The following NRG3 variants were observed in gnomAD, a reference collection of about 807,000 sequenced individuals.
NRG3 encodes the protein neuregulin 3, also known as pro-neuregulin-3, membrane-bound isoform.
A neutral mutation model predicts 66.9 loss-of-function variants in NRG3; 31 were observed. The observed-to-expected ratio is 0.46, with a 90% CI of 0.35 to 0.63. The LOEUF is 0.63. Among genes scored for constraint, NRG3 ranks in the 20% least tolerant of loss-of-function variants. The probability of loss-of-function intolerance (pLI) is 0.00; values close to 1 mark genes in which losing one functional copy is unlikely to be tolerated. For synonymous variants in NRG3, 393 were observed against 359.4 expected (o/e 1.09, Z -1.06); for missense variants, 910 against 878.9 (o/e 1.04, Z -0.45).
chr10:82,570,328 C>T (rs1417315314), intron 2 of NRG3, among the ~76,000 whole-genome samples: 1 of 151,638 alleles, frequency 6.6e-6, no homozygotes, highest in Non-Finnish European at 1.5e-5. Context: ...ATAATGTTCT[C>T]TCTACAATTT....
intron 2 of NRG3, among the ~76,000 whole-genome samples, chr10:82,700,886 C>T (rs2055819422): frequency 6.6e-6 from 1 of 151,970 alleles, no homozygotes; most frequent in Non-Finnish European, 1.5e-5. Context: ...GAACACGTCA[C>T]CTTTAACTCG....
chr10:82,818,411 A>G (rs965841175), intron 3 of NRG3, among the ~76,000 whole-genome samples: 1 of 152,154 alleles, frequency 6.6e-6, no homozygotes, highest in Non-Finnish European at 1.5e-5. Context: ...CCATTGCAGG[A>G]CAGGAGGCCT....
At chr10:82,630,355 C>CT (rs5786556) in intron 2 of NRG3, among the ~76,000 whole-genome samples, 15,363 of 133,622 alleles carry the variant, frequency 0.11, 992 homozygotes, top group Non-Finnish European at 0.14. Context: ...ATATGGTTTT[C>CT]TTTTTTTTTT....
chr10:82,084,531 A>G (rs1415524485), intron 1 of NRG3, among the ~76,000 whole-genome samples: 3 of 150,094 alleles, frequency 2.0e-5, no homozygotes, highest in African/African-American at 7.4e-5. Flanking sequence ...ATCATAGAGA[A>G]CTCTACATGA....
At position 82,648,503 on chromosome 10, in the gene NRG3, C is replaced by T. The variant is rs534313572; in HGVS notation, c.954-90074C>T. 1.5e-4 allele frequency among the ~76,000 whole-genome samples: 23 copies of T among 152,174 alleles called. No individual in the cohort carries two copies. In the South Asian group the frequency reaches 4.6e-3, roughly 30 times the overall value. ...TGGTGTTGCGGGCTCTTTTTTGGTT[C>T]TGTATGAACTTTAAAGTGTTTTTTT... On this transcript the variant is annotated intron_variant, in intron 2 of 8. Transcript: ENST00000372141.
At chr10:82,315,900 G>A (rs1412990756) in intron 1 of NRG3, among the ~76,000 whole-genome samples, 1 of 151,890 alleles carries the variant, frequency 6.6e-6, no homozygotes, top group East Asian at 1.9e-4. Flanking sequence ...TCTGACCTTA[G>A]CCTCCCAAAG....
intron 1 of NRG3, among the ~76,000 whole-genome samples, chr10:82,272,055 G>A (rs1714504275): frequency 6.6e-6 from 1 of 152,022 alleles, no homozygotes; most frequent in South Asian, 2.1e-4. Flanking sequence ...CAACAAGTGA[G>A]CAAACAAACA....
At chr10:82,371,672 C>A (rs923086812) in intron 2 of NRG3, among the ~76,000 whole-genome samples, 2 of 152,044 alleles carry the variant, frequency 1.3e-5, no homozygotes, top group Non-Finnish European at 2.9e-5. Context: ...AAAAAGGTTT[C>A]TTTGGCTCAT....
chr10:82,521,762 C>A (rs922637424), intron 2 of NRG3, among the ~76,000 whole-genome samples: 4 of 152,150 alleles, frequency 2.6e-5, no homozygotes, highest in African/African-American at 9.7e-5. Flanking sequence ...AATAGAACTT[C>A]TTTAAAAATT....
At position 82,358,874 on chromosome 10, in the gene NRG3, C is replaced by A; in HGVS notation, c.953+6C>A. 6.2e-7 allele frequency: 1 copy of A among 1,614,066 alleles called. No individual in the cohort carries two copies. Among genetic ancestry groups the A allele is most frequent in the Non-Finnish European group, 8.5e-7 (1 of 1,179,992 alleles). The stretch of plus-strand genomic sequence containing the variant: ...GGATCCCATAAACACTGTCGGTAAG[C>A]CACTGAGGCCACTGATGGAAAGGGC... On this transcript the variant is annotated splice_donor_region_variant and intron_variant, in intron 2 of 8. Coordinates refer to ENST00000372141, the MANE Select transcript of NRG3 (RefSeq NM_001010848.4).
intron 3 of NRG3, among the ~76,000 whole-genome samples, chr10:82,759,299 C>T (rs1375312307): frequency 1.3e-5 from 2 of 152,112 alleles, no homozygotes; most frequent in African/African-American, 2.4e-5. Context: ...GCAGCTGATA[C>T]ATGCTGAGAG....
At chr10:81,970,220 G>A (rs1230398973) in intron 1 of NRG3, among the ~76,000 whole-genome samples, 1 of 152,210 alleles carries the variant, frequency 6.6e-6, no homozygotes, top group South Asian at 2.1e-4. Flanking sequence ...AGGAAGTGCT[G>A]TTATTTTTGT....
rs562613947 is a variant in NRG3 at position 81,902,177 on chromosome 10, A to G, written c.823+26014A>G. Among the ~76,000 whole-genome samples, 20 of 152,298 alleles carry G rather than the reference A, an allele frequency of 1.3e-4. No homozygotes were observed. The South Asian group carries it at 3.9e-3, about 30-fold the overall frequency. ...GGATAGTTTCTTTTCTTATAGATCC[A>G]TATCACAGGCATGATTCTCCAGCTG... On this transcript the variant is annotated intron_variant, in intron 1 of 8. Coordinates refer to ENST00000372141, the MANE Select transcript of NRG3 (RefSeq NM_001010848.4).
At chr10:82,624,008 A>T (rs977793031) in intron 2 of NRG3, among the ~76,000 whole-genome samples, 1 of 152,162 alleles carries the variant, frequency 6.6e-6, no homozygotes, top group African/African-American at 2.4e-5. Context: ...CATAGAAAGC[A>T]TGCTAAATAT....
chr10:82,003,996 CACACACACACA>C (rs2061278285), intron 1 of NRG3, among the ~76,000 whole-genome samples: 2 of 112,620 alleles, frequency 1.8e-5, no homozygotes, highest in Non-Finnish European at 3.7e-5. Context: ...AAAACACACA[CACACACACACA>C]CACACACACA....
intron 1 of NRG3, among the ~76,000 whole-genome samples, chr10:82,349,394 G>A (rs2083259474): frequency 6.6e-6 from 1 of 150,600 alleles, no homozygotes; most frequent in African/African-American, 2.4e-5. Context: ...AGGGGTCAGG[G>A]ACCCACTTGA....
intron 2 of NRG3, among the ~76,000 whole-genome samples, chr10:82,692,406 G>C (rs1459067886): frequency 1.3e-5 from 2 of 152,122 alleles, no homozygotes; most frequent in Non-Finnish European, 2.9e-5. Context: ...CAATGATATT[G>C]ATACAAGATA....
intron 3 of NRG3, among the ~76,000 whole-genome samples, chr10:82,786,193 T>A (rs2060355068): frequency 6.6e-6 from 1 of 152,094 alleles, no homozygotes; most frequent in Non-Finnish European, 1.5e-5. Flanking sequence ...GAGCAACCAA[T>A]GTGCAACTGC....
At chr10:82,286,699 T>A (rs2079438280) in intron 1 of NRG3, among the ~76,000 whole-genome samples, 1 of 152,210 alleles carries the variant, frequency 6.6e-6, no homozygotes, top group South Asian at 2.1e-4. Context: ...GCGATTCTTC[T>A]GCCTCAGCCT....
Sources: allele counts gnomAD v4.1 joint callset (sites outside exome capture counted in the v4.1 genomes callset), GRCh38; gene constraint gnomAD v4.1.1; transcripts MANE v1.5; gene names NCBI Gene and HGNC (gene_info 2026-07-23, HGNC 2026-07-21).